Variants in RCOR1 observed in about 807,000 individuals in gnomAD.
RCOR1 encodes REST corepressor 1.
In RCOR1, 12 loss-of-function variants were observed where a neutral mutation model predicts 64.0. The ratio of observed to expected loss-of-function variants is 0.19; its 90% CI spans 0.12 to 0.30. The LOEUF (loss-of-function observed/expected upper bound fraction) is 0.30, where lower values mean the gene tolerates loss of function less well. Among genes scored for constraint, RCOR1 ranks in the 10% least tolerant of loss-of-function variants. The pLI is 1.00. For synonymous variants in RCOR1, 279 were observed against 227.2 expected (o/e 1.23, Z -2.05); for missense variants, 502 against 621.2 (o/e 0.81, Z 2.04).
intron 2 of RCOR1, among the ~76,000 whole-genome samples, chr14:102,614,809 CAA>C (rs891456936): frequency 6.6e-6 from 1 of 150,824 alleles, no homozygotes; most frequent in Non-Finnish European, 1.5e-5. Flanking sequence ...ATATAAAAAA[CAA>C]AAATAAAAAT....
chr14:102,725,951 A>C (rs1311756796), intron 11 of RCOR1, among the ~76,000 whole-genome samples: 1 of 152,208 alleles, frequency 6.6e-6, no homozygotes. Flanking sequence ...ACTGAAACTC[A>C]AAAACACTGA....
chr14:102,681,842 C>A, intron 2 of RCOR1, 53 bp from the exon 3 acceptor site: 1 of 1,292,246 alleles, frequency 7.7e-7, no homozygotes, highest in Non-Finnish European at 1.1e-6. Flanking sequence ...TTACTTATAG[C>A]TTATTATATG....
intron 2 of RCOR1, among the ~76,000 whole-genome samples, chr14:102,681,379 C>G (rs966045151): frequency 1.4e-4 from 21 of 152,284 alleles, no homozygotes; most frequent in Admixed American, 5.9e-4. Flanking sequence ...CATGTCAGCT[C>G]CACCCCTGGC....
chr14:102,705,566 A>T (rs1196157624), intron 4 of RCOR1, among the ~76,000 whole-genome samples: 2 of 152,162 alleles, frequency 1.3e-5, no homozygotes, highest in Non-Finnish European at 2.9e-5. Context: ...CTCCTGCCTC[A>T]GCCCCCCAAG....
At chr14:102,681,534 A>G (rs904849804) in intron 2 of RCOR1, among the ~76,000 whole-genome samples, 8 of 152,270 alleles carry the variant, frequency 5.3e-5, no homozygotes, top group Non-Finnish European at 4.4e-5. Flanking sequence ...TCTATTGCCA[A>G]GTCACTAAAA....
At chr14:102,623,229 G>T (rs1183909020) in intron 2 of RCOR1, among the ~76,000 whole-genome samples, 6 of 151,882 alleles carry the variant, frequency 4.0e-5, no homozygotes, top group Non-Finnish European at 1.5e-5. Flanking sequence ...TTCTGTGTGG[G>T]TTTGTTTTGT....
At chr14:102,658,342 G>C (rs943544269) in intron 2 of RCOR1, 1 of 197,606 alleles carries the variant, frequency 5.1e-6, no homozygotes, top group African/African-American at 2.4e-5. Flanking sequence ...GACCAGGCAC[G>C]GTGGCTCATG....
intron 2 of RCOR1, among the ~76,000 whole-genome samples, chr14:102,676,917 C>A (rs1895180227): frequency 8.7e-6 from 1 of 114,460 alleles, no homozygotes; most frequent in African/African-American, 3.7e-5. Context: ...GACCCCCCCA[C>A]CTCCCTCCCG....
At chr14:102,652,269 C>G (rs998365545) in intron 2 of RCOR1, among the ~76,000 whole-genome samples, 9 of 152,208 alleles carry the variant, frequency 5.9e-5, no homozygotes, top group Non-Finnish European at 1.2e-4. Context: ...AGAGAACTCT[C>G]CTTCAGTCTA....
intron 2 of RCOR1, among the ~76,000 whole-genome samples, chr14:102,602,513 C>G (rs1022739227): frequency 6.6e-6 from 1 of 151,274 alleles, no homozygotes; most frequent in Non-Finnish European, 1.5e-5. Flanking sequence ...AAGTGATTGT[C>G]CTGCCTCAGC....
At chr14:102,622,642 C>T (rs770009229) in intron 2 of RCOR1, among the ~76,000 whole-genome samples, 3 of 152,042 alleles carry the variant, frequency 2.0e-5, no homozygotes, top group African/African-American at 4.8e-5. Context: ...TTCCGCCCCC[C>T]GCCCCACACA....
Position 102,708,578 on chromosome 14 carries a change from G to A in RCOR1, c.774G>A (p.Glu258=), listed in dbSNP as rs780498883. The change falls in exon 6 of 12, where the codon GAG becomes GAA. Residue 258 remains glutamate (E), a synonymous_variant. Transcript: ENST00000262241. ...RHARKQKRER[E]ESEDELEEAN... ...CCCGGAAACAAAAACGGGAGCGGGA[G>A]GAGAGGTGAGCACATGGCTGGGGTG... is the stretch of plus-strand genomic sequence containing the variant. The A allele has an allele frequency of 3.2e-6, 5 of 1,582,058 alleles. No individual in the cohort carries two copies. Among genetic ancestry groups the A allele is most frequent in the South Asian group, 1.1e-5 (1 of 90,356 alleles).
At chr14:102,683,729 T>C (rs1380009763) in intron 3 of RCOR1, among the ~76,000 whole-genome samples, 3 of 152,228 alleles carry the variant, frequency 2.0e-5, no homozygotes, top group Admixed American at 6.5e-5. Flanking sequence ...TCGGCCACGC[T>C]TAGGGAGATG....
chr14:102,602,604 C>T (rs1026289981), intron 2 of RCOR1, among the ~76,000 whole-genome samples: 1 of 152,092 alleles, frequency 6.6e-6, no homozygotes, highest in African/African-American at 2.4e-5. Context: ...GAAGGGGTTT[C>T]ACCATGCTGG....
chr14:102,608,358 C>T (rs1893559299), intron 2 of RCOR1, among the ~76,000 whole-genome samples: 1 of 152,124 alleles, frequency 6.6e-6, no homozygotes, highest in African/African-American at 2.4e-5. Flanking sequence ...AAGGTTCATT[C>T]ATGTTGAAGC....
At chr14:102,644,246 C>G (rs182241014) in intron 2 of RCOR1, among the ~76,000 whole-genome samples, 4 of 152,322 alleles carry the variant, frequency 2.6e-5, no homozygotes, top group African/African-American at 9.6e-5. Flanking sequence ...AAGCAAGTAT[C>G]GCAAGAAAAC....
At chr14:102,633,483 C>T (rs1894169783) in intron 2 of RCOR1, among the ~76,000 whole-genome samples, 1 of 152,100 alleles carries the variant, frequency 6.6e-6, no homozygotes, top group African/African-American at 2.4e-5. Flanking sequence ...CTTGAGCCAC[C>T]ATGCTTGGCT....
At chr14:102,665,324 TTTTTTTA>T (rs1894897308) in intron 2 of RCOR1, among the ~76,000 whole-genome samples, 1 of 150,542 alleles carries the variant, frequency 6.6e-6, no homozygotes, top group African/African-American at 2.5e-5. Flanking sequence ...TTTTTTTTTT[TTTTTTTA>T]AATAAAATAG....
Position 102,595,041 on chromosome 14 carries a change from ACATT to A in RCOR1, c.361+1720_361+1723del, listed in dbSNP as rs1472475855. On this transcript the variant is annotated intron_variant, in intron 2 of 11. Coordinates refer to ENST00000262241, the MANE Select transcript of RCOR1 (RefSeq NM_015156.4). ...GTCAACAACAGGAATTAGATTTCTG[ACATT>A]CATCGAAATATTGACATCAGCTCTG... 7.2e-5 allele frequency among the ~76,000 whole-genome samples: 11 copies of A among 152,346 alleles called. No individual in the cohort carries two copies. The East Asian group carries it at 1.7e-3, about 24-fold the overall frequency.
Sources: allele counts gnomAD v4.1 joint callset (sites outside exome capture counted in the v4.1 genomes callset), GRCh38; gene constraint gnomAD v4.1.1; transcripts MANE v1.5; gene names NCBI Gene and HGNC (gene_info 2026-07-23, HGNC 2026-07-21).